The following NFIX variants were observed in gnomAD, a reference collection of about 807,000 sequenced individuals.
NFIX encodes nuclear factor 1 X-type.
Under a neutral mutation model 53.3 loss-of-function variants are expected in NFIX, and 2 were observed. The ratio of observed to expected loss-of-function variants is 0.04; its 90% CI spans 0.02 to 0.12. NFIX has a LOEUF of 0.12. NFIX is among the 10% of genes least tolerant of loss of function. The pLI is 1.00. For synonymous variants in NFIX, 244 were observed against 289.0 expected (o/e 0.84, Z 1.58); for missense variants, 310 against 674.5 (o/e 0.46, Z 5.99).
At position 13,001,584 on chromosome 19, in the gene NFIX, G is replaced by A. The variant is rs2011698582; in HGVS notation, c.27+5720G>A. ...CAGCAGTGTTTTTCTGGGTGTCTGT[G>A]CGTCACGGCAAAGAGTGTATCCGTG... is the stretch of plus-strand genomic sequence containing the variant. On this transcript the variant is annotated intron_variant, in intron 1 of 10. Transcript: ENST00000592199. The surrounding 1 kb of genome is among the most constrained non-coding windows in gnomAD (Gnocchi z 6.5). Among the ~76,000 whole-genome samples, 1 of 152,142 alleles carries A rather than the reference G, an allele frequency of 6.6e-6. No homozygotes were observed. Among genetic ancestry groups the A allele is most frequent in the East Asian group, 1.9e-4 (1 of 5,186 alleles).
chr19:13,078,813 G>C lies in NFIX; in HGVS notation c.1078+78G>C. 6.7e-7 allele frequency: 1 copy of C among 1,482,902 alleles called. No homozygotes were observed. Among genetic ancestry groups the C allele is most frequent in the Admixed American group, 2.1e-5 (1 of 47,036 alleles). The allele number at this position is 1,482,902 out of a possible 1,614,324, so 91.9% of individuals were successfully genotyped here. A position where few individuals can be genotyped will look rare whatever the true frequency, so the allele number is the denominator to read the frequency against. ...TAGGGGCAGCTGGCCAGGTGAAGGG[G>C]CCAGAGCTGACCCCGAGTGACAGCC... On this transcript the variant is annotated intron_variant, in intron 7 of 10. Coordinates refer to ENST00000592199, the MANE Select transcript of NFIX (RefSeq NM_001365902.3). This position sits in a 1 kb window ranked among gnomAD's most constrained non-coding sequence, Gnocchi z 4.7.
At chr19:13,069,864 A>G (rs2016666586) in intron 2 of NFIX, 1 of 152,252 alleles carries the variant, frequency 6.6e-6, no homozygotes, top group Non-Finnish European at 1.5e-5. Flanking sequence ...CTGCCAGATA[A>G]AAGCAGAGCA....
chr19:13,004,434 T>C (rs1326011171), intron 1 of NFIX, among the ~76,000 whole-genome samples: 1 of 152,146 alleles, frequency 6.6e-6, no homozygotes, highest in East Asian at 1.9e-4. Flanking sequence ...CGGCGTGCCA[T>C]GTACACAGTC....
rs1030996303 is a variant in NFIX at position 13,072,284 on chromosome 19, C to T, written c.560-763C>T. On this transcript the variant is annotated intron_variant, in intron 2 of 10. Transcript: ENST00000592199. The surrounding 1 kb of genome is among the most constrained non-coding windows in gnomAD (Gnocchi z 4.0). ...ATATTCACACACACACTCCACCCTGCCCCCAGCCCTCTGTGAGCTCCCACT... is the reference window on the plus strand; with the variant it reads ...ATATTCACACACACACTCCACCCTGTCCCCAGCCCTCTGTGAGCTCCCACT... 1.3e-5 allele frequency among the ~76,000 whole-genome samples: 2 copies of T among 152,216 alleles called. No individual in the cohort carries two copies. The highest frequency in any genetic ancestry group is 1.3e-4 in the Admixed American group (2 of 15,288).
In NFIX at chr19:13,067,303, T is replaced by A. The variant is rs555708497; in HGVS notation, c.560-5744T>A. ...TGTCAGGCCTGGGAGGGCCAGGGGA[T>A]GGGCAGGCACACCCCAAGGGCTGTT... is the stretch of plus-strand genomic sequence containing the variant. On this transcript the variant is annotated intron_variant, in intron 2 of 10. Transcript: ENST00000592199. The surrounding 1 kb of genome is among the most constrained non-coding windows in gnomAD (Gnocchi z 4.2). Among the ~76,000 whole-genome samples, 11 of 152,302 alleles carry A rather than the reference T, an allele frequency of 7.2e-5. No individual in the cohort carries two copies. Among genetic ancestry groups the A allele is most frequent in the African/African-American group, 2.6e-4 (11 of 41,560 alleles).
chr19:13,050,899 C>T (rs1326653505), intron 2 of NFIX, among the ~76,000 whole-genome samples: 1 of 152,226 alleles, frequency 6.6e-6, no homozygotes, highest in East Asian at 1.9e-4. Flanking sequence ...AAGCATGTGG[C>T]TGAGTAGCCT....
At position 13,081,836 on chromosome 19, in the gene NFIX, C is replaced by T. The variant is rs2017489032; in HGVS notation, c.1235C>T (p.Ser412Leu). The part of the protein sequence containing the change: ...EFVQFVCSDG[S>L]GQATGQPNGS... ...GTGCAGTTTGTGTGCTCGGATGGCT[C>T]GGGCCAGGCCACCGGACAGGTGAGT... Residue 412 changes from serine to leucine, a missense_variant, in exon 8 of 11, where the codon TCG (serine) becomes TTG (leucine). Ser to Leu is a moderately radical substitution (Grantham distance 145). Coordinates refer to ENST00000592199, the MANE Select transcript of NFIX (RefSeq NM_001365902.3). The surrounding 1 kb of genome is among the most constrained non-coding windows in gnomAD (Gnocchi z 4.7). 5 of 1,613,920 alleles carry T rather than the reference C, an allele frequency of 3.1e-6. No homozygotes were observed. In the Admixed American group the frequency reaches 5.0e-5, roughly 16 times the overall value.
Position 13,078,732 on chromosome 19 carries a change from C to G in NFIX, c.1075C>G (p.Pro359Ala). ...HPLPVLAGVR[P>A]GSPRATASAL... ...GCTGCCTGTGCTTGCTGGAGTCAGA[C>G]CAGGTGAGAAATGGGGGGCCCCGGA... is the stretch of plus-strand genomic sequence containing the variant. Residue 359 changes from proline (P) to alanine (A), a missense_variant, in exon 7 of 11, where the codon CCA becomes GCA. Transcript: ENST00000592199. This position sits in a 1 kb window ranked among gnomAD's most constrained non-coding sequence, Gnocchi z 4.7. 6.2e-7 allele frequency: 1 copy of G among 1,600,476 alleles called. No homozygotes were observed. The highest frequency in any genetic ancestry group is 8.5e-7 in the Non-Finnish European group (1 of 1,173,850).
chr19:13,073,319 C>T lies in NFIX; in HGVS notation c.623-103C>T, dbSNP rs2016879086. 5 of 1,099,004 alleles carry T rather than the reference C, an allele frequency of 4.5e-6. No homozygotes were observed. Among genetic ancestry groups the T allele is most frequent in the Admixed American group, 1.7e-5 (1 of 57,682 alleles). The allele number at this position is 1,099,004 out of a possible 1,614,324, so 68.1% of individuals were successfully genotyped here. A position where few individuals can be genotyped will look rare whatever the true frequency, so the allele number is the denominator to read the frequency against. On this transcript the variant is annotated intron_variant, in intron 3 of 10. Coordinates refer to ENST00000592199, the MANE Select transcript of NFIX (RefSeq NM_001365902.3). This position sits in a 1 kb window ranked among gnomAD's most constrained non-coding sequence, Gnocchi z 4.5. ...CTGAGGGCTAGCCTGGAGCTGGAAA[C>T]GGGACTTGGGAGGGAGAAGCAACAG...
chr19:13,016,714 T>C (rs1206015490), intron 1 of NFIX, among the ~76,000 whole-genome samples: 6 of 151,912 alleles, frequency 3.9e-5, no homozygotes, highest in East Asian at 3.9e-4. Context: ...GAGGGATTTA[T>C]TTAAACAGGC....
intron 6 of NFIX, among the ~76,000 whole-genome samples, chr19:13,077,316 C>A (rs189482401): frequency 7.2e-5 from 11 of 152,360 alleles, no homozygotes; most frequent in Non-Finnish European, 8.8e-5. Context: ...CTGCCACGCA[C>A]GGCCCCTCAA....
intron 8 of NFIX, among the ~76,000 whole-genome samples, chr19:13,083,796 G>T (rs1053179836): frequency 6.6e-6 from 1 of 152,248 alleles, no homozygotes; most frequent in Non-Finnish European, 1.5e-5. Flanking sequence ...GCTTCTGGGA[G>T]GAGGCTAGAG....
chr19:13,076,153 G>A lies in NFIX; in HGVS notation c.955+482G>A, dbSNP rs140265798. On this transcript the variant is annotated intron_variant, in intron 6 of 10. Coordinates refer to ENST00000592199, the MANE Select transcript of NFIX (RefSeq NM_001365902.3). Reference sequence around the variant, plus strand: ...ACCCCCAGTTTTGATGACCAAAAACGCCTCCAGACATTGTCAGACGTTCCC... The same window carrying A: ...ACCCCCAGTTTTGATGACCAAAAACACCTCCAGACATTGTCAGACGTTCCC... 5.4e-3 allele frequency among the ~76,000 whole-genome samples: 824 copies of A among 152,202 alleles called. 7 individuals are homozygous for A. Among genetic ancestry groups the A allele is most frequent in the African/African-American group, 0.019 (799 of 41,512 alleles).
At chr19:13,083,417 A>C (rs1179673306) in intron 8 of NFIX, among the ~76,000 whole-genome samples, 2 of 152,312 alleles carry the variant, frequency 1.3e-5, no homozygotes, top group East Asian at 3.9e-4. Flanking sequence ...AGCCAAACCT[A>C]ACCACAGAAC....
intron 2 of NFIX, among the ~76,000 whole-genome samples, chr19:13,039,333 T>C (rs2014452441): frequency 6.6e-6 from 1 of 151,910 alleles, no homozygotes; most frequent in African/African-American, 2.4e-5. Context: ...AGGATGATGG[T>C]ACTGAAGCCA....
At chr19:13,055,632 G>A (rs74558270) in intron 2 of NFIX, among the ~76,000 whole-genome samples, 1 of 151,854 alleles carries the variant, frequency 6.6e-6, no homozygotes, top group Non-Finnish European at 1.5e-5. Context: ...GGCTGGGGGA[G>A]GGGGGGGTCT....
chr19:13,095,875 G>A lies in NFIX; in HGVS notation c.*1226G>A, dbSNP rs900408966. On this transcript the variant is annotated 3_prime_UTR_variant, in exon 11 of 11. Coordinates refer to ENST00000592199, the MANE Select transcript of NFIX (RefSeq NM_001365902.3). ...GGCCACTTTTCTCTGGATTTTAGCT[G>A]TAATGTCTTTACTCTTTATTTAGGG... 3 of 143,264 alleles carry A rather than the reference G, an allele frequency of 2.1e-5. No homozygotes were observed. The highest frequency in any genetic ancestry group is 7.9e-5 in the African/African-American group (3 of 37,770). The allele number at this position is 143,264 out of a possible 1,614,324, so 8.9% of individuals were successfully genotyped here.
intron 8 of NFIX, among the ~76,000 whole-genome samples, chr19:13,086,455 C>T (rs372836962): frequency 3.9e-5 from 6 of 152,290 alleles, no homozygotes; most frequent in African/African-American, 1.4e-4. Context: ...TGGCCCAGAG[C>T]CTCAGTTTCC....
intron 2 of NFIX, among the ~76,000 whole-genome samples, chr19:13,042,998 G>A (rs886505363): frequency 6.6e-6 from 1 of 152,128 alleles, no homozygotes; most frequent in African/African-American, 2.4e-5. Flanking sequence ...ATTCCCCAGA[G>A]CCTCAGAAAG....
Sources: gnomAD v4.1 joint callset for allele counts (sites outside exome capture counted in the v4.1 genomes callset) on GRCh38, gnomAD v4.1.1 for gene constraint, Gnocchi (gnomAD v3.1) non-coding constraint, MANE v1.5 for transcripts, NCBI Gene and HGNC (gene_info 2026-07-23, HGNC 2026-07-21) for gene names.